The following PPP2R3C variants were observed in gnomAD, a reference collection of about 807,000 sequenced individuals.
PPP2R3C encodes protein phosphatase 2 regulatory subunit B''gamma.
PPP2R3C carries 47 observed loss-of-function variants against 63.7 expected under a neutral mutation model. The observed-to-expected ratio is 0.74, with a 90% confidence interval of 0.58 to 0.94. The LOEUF (loss-of-function observed/expected upper bound fraction) is 0.94, where lower values mean the gene tolerates loss of function less well. Among genes scored for constraint, PPP2R3C ranks in the 40% least tolerant of loss-of-function variants. PPP2R3C has a pLI of 0.00. For synonymous variants in PPP2R3C, 180 were observed against 177.4 expected, an observed-to-expected ratio of 1.01 and a Z score of -0.12; for missense variants, 421 against 518.4, an observed-to-expected ratio of 0.81 and a Z score of 1.82.
intron 10 of PPP2R3C, among the ~76,000 whole-genome samples, chr14:35,094,542 C>T (rs894826073): frequency 2.0e-5 from 3 of 150,438 alleles, no homozygotes; most frequent in Admixed American, 6.6e-5. Flanking sequence ...ATGAAATGAA[C>T]AATAAGCTTT....
intron 9 of PPP2R3C, 122 bp downstream of exon 9, chr14:35,096,436 A>G (rs1216944360): frequency 5.3e-6 from 5 of 942,664 alleles, no homozygotes; most frequent in Non-Finnish European, 8.1e-6. Context: ...AGAATACTAA[A>G]GCTTAAGGTA....
At chr14:35,100,428 C>T (rs2046148714) in intron 6 of PPP2R3C, 1 of 152,168 alleles carries the variant, frequency 6.6e-6, no homozygotes, top group Non-Finnish European at 1.5e-5. Flanking sequence ...TATACTCCCA[C>T]CAGCAATGTG....
chr14:35,107,368 A>G lies in PPP2R3C; in HGVS notation c.509T>C (p.Leu170Pro). ...FFNYVMRKVWLHQTRIGLSLY... is the reference protein window; with the variant it reads ...FFNYVMRKVWPHQTRIGLSLY... The stretch of plus-strand genomic sequence containing the variant: ...ACTGAGTCCTATTCTTGTTTGATGA[A>G]GCCAAACTGACAATAAACAAGAAAA... Residue 170 changes from leucine to proline, a missense_variant, in exon 6 of 13, where the codon CTT (leucine) becomes CCT (proline). Leu to Pro is a moderately conservative substitution (Grantham distance 98). Around this residue, in one of 3 missense-constraint regions of PPP2R3C, gnomAD observed 47 missense variants for 102.3 expected, o/e 0.46. Transcript: ENST00000261475. 6.2e-7 allele frequency: 1 copy of G among 1,603,864 alleles called. No individual in the cohort carries two copies. Among genetic ancestry groups the G allele is most frequent in the Non-Finnish European group, 8.5e-7 (1 of 1,170,780 alleles).
At chr14:35,088,197 G>A (rs1372907388) in intron 11 of PPP2R3C, 187 bp from the exon 12 acceptor site, 4 of 600,714 alleles carry the variant, frequency 6.7e-6, no homozygotes, top group Non-Finnish European at 1.2e-5. Context: ...CTAAATTCTC[G>A]ATTAGTGTAT....
In PPP2R3C at chr14:35,089,819, C is replaced by T. The variant is rs551918497; in HGVS notation, c.1113+1251G>A. Among the ~76,000 whole-genome samples, 9 of 147,798 alleles carry T rather than the reference C, an allele frequency of 6.1e-5. 1 individual carries two copies. The East Asian group carries it at 1.8e-3, about 30-fold the overall frequency. On this transcript the variant is annotated intron_variant, in intron 11 of 12. Transcript: ENST00000261475. ...TAGCTGGGACTATAGGCGCCCGCCA[C>T]CACGCCCGGCTGATTTTTTTGCATT...
rs2045822811 is a variant in PPP2R3C, at chr14:35,091,694, G to A, written c.976-487C>T. Among the ~76,000 whole-genome samples, 2 of 151,280 alleles carry A rather than the reference G, an allele frequency of 1.3e-5. 1 individual carries two copies. The highest frequency in any genetic ancestry group is 6.7e-3 in the Middle Eastern group (2 of 300). ...AGGAATTCTATATATAATCTACACA[G>A]GACAGTTTTGAGGACATAGTTCTTT... On this transcript the variant is annotated intron_variant, in intron 10 of 12. Transcript: ENST00000261475.
At chr14:35,117,356 C>A (rs1177099312) in intron 1 of PPP2R3C, among the ~76,000 whole-genome samples, 1 of 152,198 alleles carries the variant, frequency 6.6e-6, no homozygotes, top group African/African-American at 2.4e-5. Flanking sequence ...GTCCTGCAAT[C>A]ATTTAGGATG....
At chr14:35,087,823 G>A (rs2045659172) in intron 12 of PPP2R3C, 128 bp downstream of exon 12, 1 of 717,060 alleles carries the variant, frequency 1.4e-6, no homozygotes, top group Non-Finnish European at 2.4e-6. Context: ...TTAAATATCA[G>A]TTCAGAACAA....
chr14:35,121,702 G>A (rs1457873487), intron 1 of PPP2R3C, 200 bp downstream of exon 1: 5 of 564,408 alleles, frequency 8.9e-6, no homozygotes, highest in Non-Finnish European at 1.3e-5. Flanking sequence ...TAAGTTTTTC[G>A]TTCCTCTAGA....
intron 2 of PPP2R3C, 150 bp from the exon 3 acceptor site, chr14:35,110,779 CTG>C: frequency 3.5e-6 from 2 of 579,678 alleles, no homozygotes; most frequent in Non-Finnish European, 6.0e-6. Flanking sequence ...TTAACAAAAA[CTG>C]ATCCACAGAG....
intron 9 of PPP2R3C, among the ~76,000 whole-genome samples, chr14:35,095,682 A>C (rs961280598): frequency 5.1e-4 from 76 of 149,870 alleles, no homozygotes; most frequent in African/African-American, 1.3e-3. Flanking sequence ...ACTAAAAAAA[A>C]AAACAAAAAA....
chr14:35,087,646 C>T (rs563290404), intron 12 of PPP2R3C: 7 of 287,918 alleles, frequency 2.4e-5, no homozygotes, highest in South Asian at 1.2e-4. Context: ...ATGATCCGCC[C>T]GCCTCAGCCT....
At chr14:35,089,497 T>C (rs2045719837) in intron 11 of PPP2R3C, among the ~76,000 whole-genome samples, 1 of 152,016 alleles carries the variant, frequency 6.6e-6, no homozygotes, top group African/African-American at 2.4e-5. Flanking sequence ...ACCACAGGCA[T>C]GTGACCACTA....
intron 6 of PPP2R3C, 55 bp from the exon 7 acceptor site, chr14:35,099,439 T>C: frequency 6.5e-7 from 1 of 1,537,010 alleles, no homozygotes; most frequent in Non-Finnish European, 8.7e-7. Context: ...CATTAGATAT[T>C]AGAATTTCAT....
chr14:35,099,582 C>T (rs8015119), intron 6 of PPP2R3C, 198 bp from the exon 7 acceptor site: 54,410 of 592,684 alleles, frequency 0.092, 2,821 homozygotes, highest in Middle Eastern at 0.12. Flanking sequence ...GTAAATTCTA[C>T]ATAGTTCCAA....
At chr14:35,108,040 T>TTA (rs2046417382) in intron 5 of PPP2R3C, 99 bp downstream of exon 5, 1 of 1,456,158 alleles carries the variant, frequency 6.9e-7, no homozygotes, top group African/African-American at 1.5e-5. Flanking sequence ...CTATTCAAAC[T>TTA]TAGAGTGATT....
At chr14:35,108,873 G>C (rs2046449675) in intron 4 of PPP2R3C, among the ~76,000 whole-genome samples, 1 of 151,690 alleles carries the variant, frequency 6.6e-6, no homozygotes, top group Non-Finnish European at 1.5e-5. Flanking sequence ...GCCTCCCAAA[G>C]CACTGGAATT....
intron 11 of PPP2R3C, among the ~76,000 whole-genome samples, chr14:35,090,137 G>C (rs1460719121): frequency 6.6e-6 from 1 of 151,696 alleles, no homozygotes; most frequent in Non-Finnish European, 1.5e-5. Flanking sequence ...ACAAATATGT[G>C]ATAAATTCTA....
At chr14:35,120,956 A>C (rs2046864142) in intron 1 of PPP2R3C, among the ~76,000 whole-genome samples, 1 of 152,236 alleles carries the variant, frequency 6.6e-6, no homozygotes, top group African/African-American at 2.4e-5. Flanking sequence ...GGAAAAAAAA[A>C]AGTGTATTTA....
Sources: allele counts gnomAD v4.1 joint callset (sites outside exome capture counted in the v4.1 genomes callset), GRCh38; gene constraint gnomAD v4.1.1; regional missense constraint gnomAD v4.1.1; transcripts MANE v1.5; gene names NCBI Gene and HGNC (gene_info 2026-07-23, HGNC 2026-07-21).